The following SDK1 variants were observed in gnomAD, a reference collection of about 807,000 sequenced individuals.
SDK1 encodes the protein sidekick cell adhesion molecule 1.
SDK1 carries 157 observed loss-of-function variants against 245.5 expected under a neutral mutation model. That is an observed-to-expected ratio of 0.64 (90% CI 0.56 to 0.73). The LOEUF (loss-of-function observed/expected upper bound fraction) is 0.73. Ranked by LOEUF, SDK1 falls within the 30% of genes least tolerant of loss-of-function variation. SDK1 has a pLI of 0.00. For synonymous variants in SDK1, 1,647 were observed against 1,278.5 expected, an observed-to-expected ratio of 1.29 and a Z score of -6.15; for missense variants, 3,583 against 3,002.3, an observed-to-expected ratio of 1.19 and a Z score of -4.52.
intron 1 of SDK1, among the ~76,000 whole-genome samples, chr7:3,429,034 T>C (rs1779754670): frequency 6.6e-6 from 1 of 152,174 alleles, no homozygotes; most frequent in Admixed American, 6.5e-5. Context: ...TAGTGTCTGC[T>C]CAATTCATCT....
chr7:3,341,508 A>G (rs962648620), intron 1 of SDK1, among the ~76,000 whole-genome samples: 2 of 152,186 alleles, frequency 1.3e-5, no homozygotes, highest in African/African-American at 4.8e-5. Flanking sequence ...ATCCAGACCA[A>G]AAAGGAGGAG....
chr7:4,221,462 T>C lies in SDK1; in HGVS notation c.5827+98T>C, dbSNP rs1785151519. Reference sequence around the variant, plus strand: ...TTCCATCACTTTCTCTTTCAGCATTTTCCCCCCACAAAGCTGGGACCAAGA... The same window carrying C: ...TTCCATCACTTTCTCTTTCAGCATTCTCCCCCCACAAAGCTGGGACCAAGA... On this transcript the variant is annotated intron_variant, in intron 40 of 44. Transcript: ENST00000404826. 1.0e-5 allele frequency: 15 copies of C among 1,433,058 alleles called. No homozygotes were observed. In the East Asian group the frequency reaches 3.5e-4, roughly 34 times the overall value. The allele number at this position is 1,433,058 out of a possible 1,614,324, so 88.8% of individuals were successfully genotyped here.
At chr7:4,188,088 A>G (rs115074625) in intron 35 of SDK1, among the ~76,000 whole-genome samples, 60 of 152,274 alleles carry the variant, frequency 3.9e-4, no homozygotes, top group African/African-American at 1.3e-3. Flanking sequence ...CCATGATTCA[A>G]TTCTCTCTCG....
chr7:4,247,729 A>G (rs1786988321), intron 44 of SDK1, among the ~76,000 whole-genome samples: 1 of 152,206 alleles, frequency 6.6e-6, no homozygotes, highest in Non-Finnish European at 1.5e-5. Context: ...GGCCTGGCCC[A>G]GGGTGAACGT....
At chr7:3,964,720 T>C (rs569729125) in intron 9 of SDK1, among the ~76,000 whole-genome samples, 4 of 152,288 alleles carry the variant, frequency 2.6e-5, no homozygotes, top group South Asian at 2.1e-4. Context: ...GGGAGCAAAA[T>C]GCTGATATCC....
At chr7:4,064,862 G>C (rs895317406) in intron 19 of SDK1, among the ~76,000 whole-genome samples, 1 of 152,098 alleles carries the variant, frequency 6.6e-6, no homozygotes, top group African/African-American at 2.4e-5. Flanking sequence ...ATCTCATGGA[G>C]ATAAGAGAGT....
At chr7:3,695,635 A>G (rs1784548162) in intron 4 of SDK1, among the ~76,000 whole-genome samples, 1 of 152,228 alleles carries the variant, frequency 6.6e-6, no homozygotes, top group Non-Finnish European at 1.5e-5. Context: ...TCAGAACTAT[A>G]AAACATGGAG....
chr7:3,745,334 C>T (rs1241939697), intron 4 of SDK1, among the ~76,000 whole-genome samples: 1 of 152,174 alleles, frequency 6.6e-6, no homozygotes. Context: ...TTTGCCACTA[C>T]TATTTTGAAA....
chr7:3,898,132 G>A (rs1781666234), intron 5 of SDK1, among the ~76,000 whole-genome samples: 1 of 152,204 alleles, frequency 6.6e-6, no homozygotes, highest in South Asian at 2.1e-4. Context: ...TGTAACCTGA[G>A]TTGAAGTGGC....
chr7:3,445,132 T>A (rs772892212), intron 1 of SDK1, among the ~76,000 whole-genome samples: 2 of 152,146 alleles, frequency 1.3e-5, no homozygotes, highest in East Asian at 1.9e-4. Context: ...AAAGGCAGAT[T>A]TATATTAAAA....
chr7:4,178,532 A>G lies in SDK1; in HGVS notation c.5044A>G (p.Ile1682Val), dbSNP rs146190678. The G allele has an allele frequency of 9.3e-6, 15 of 1,613,724 alleles. No homozygotes were observed. Among genetic ancestry groups the G allele is most frequent in the Non-Finnish European group, 1.2e-5 (14 of 1,179,944 alleles). The change falls in exon 35 of 45, where the codon ATC becomes GTC. Residue 1682 changes from isoleucine (I) to valine (V), a missense_variant. By Grantham distance (29) the Ile-to-Val change is conservative. Coordinates refer to ENST00000404826, the MANE Select transcript of SDK1 (RefSeq NM_152744.4). ...TGAAGTAATAATGACCGCCTATAACATCATCGGCGAGAGCCCAGCCAGCGC... is the reference window on the plus strand; with the variant it reads ...TGAAGTAATAATGACCGCCTATAACGTCATCGGCGAGAGCCCAGCCAGCGC... The part of the protein sequence containing the change: ...RYEVIMTAYN[I>V]IGESPASAPV...
chr7:3,329,573 C>A (rs1392158839), intron 1 of SDK1, among the ~76,000 whole-genome samples: 1 of 152,130 alleles, frequency 6.6e-6, no homozygotes, highest in Non-Finnish European at 1.5e-5. Flanking sequence ...ATCTACTTTG[C>A]GTCTCTATAG....
chr7:3,715,516 C>T (rs776854892), intron 4 of SDK1, among the ~76,000 whole-genome samples: 3 of 152,096 alleles, frequency 2.0e-5, no homozygotes, highest in African/African-American at 4.8e-5. Flanking sequence ...CAGGGAAGTG[C>T]GTTCTGTCCC....
At chr7:3,692,036 G>A (rs935961628) in intron 4 of SDK1, among the ~76,000 whole-genome samples, 2 of 152,030 alleles carry the variant, frequency 1.3e-5, no homozygotes, top group South Asian at 4.2e-4. Flanking sequence ...AATGTACCAG[G>A]CACTCAGAAT....
At chr7:3,489,629 C>A (rs77849432) in intron 1 of SDK1, among the ~76,000 whole-genome samples, 3,316 of 152,130 alleles carry the variant, frequency 0.022, 134 homozygotes, top group African/African-American at 0.075. Context: ...GATTAGCTAC[C>A]CAGTTTGTTT....
chr7:3,700,811 T>A (rs1365671776), intron 4 of SDK1, among the ~76,000 whole-genome samples: 1 of 152,190 alleles, frequency 6.6e-6, no homozygotes, highest in Non-Finnish European at 1.5e-5. Context: ...CTTCTTTCCT[T>A]CCAGATGACC....
chr7:4,162,356 GGTTGTTGTT>G (rs373778675), intron 32 of SDK1, among the ~76,000 whole-genome samples: 26 of 121,948 alleles, frequency 2.1e-4, no homozygotes, highest in African/African-American at 8.3e-4. Flanking sequence ...TGGTGGTGGT[GGTTGTTGTT>G]GTTGTTATTA....
chr7:3,336,341 C>T (rs989028516), intron 1 of SDK1, among the ~76,000 whole-genome samples: 1 of 152,160 alleles, frequency 6.6e-6, no homozygotes, highest in Non-Finnish European at 1.5e-5. Flanking sequence ...CTGACAGCGC[C>T]TAGTGGGGAG....
At chr7:3,515,330 G>C (rs1782709598) in intron 1 of SDK1, among the ~76,000 whole-genome samples, 1 of 152,150 alleles carries the variant, frequency 6.6e-6, no homozygotes, top group Admixed American at 6.5e-5. Context: ...AATTCAGAAA[G>C]AAGTAAGGCT....
Sources: allele counts gnomAD v4.1 joint callset (sites outside exome capture counted in the v4.1 genomes callset), GRCh38; gene constraint gnomAD v4.1.1; transcripts MANE v1.5; gene names NCBI Gene and HGNC (gene_info 2026-07-23, HGNC 2026-07-21).